MCTP1: variants seen among roughly 807,000 people sequenced by gnomAD.
MCTP1 encodes multiple C2 and transmembrane domain-containing protein 1.
In MCTP1, 69 loss-of-function variants were observed where a neutral mutation model predicts 120.6. That is an observed-to-expected ratio of 0.57 (90% confidence interval 0.47 to 0.70). The LOEUF is 0.70. Ranked by LOEUF, MCTP1 falls within the 30% of genes least tolerant of loss-of-function variation. The pLI is 0.00. For synonymous variants in MCTP1, 529 were observed against 493.1 expected (o/e 1.07, Z -0.96); for missense variants, 1,203 against 1,248.8 (o/e 0.96, Z 0.55).
At chr5:95,047,194 T>C (rs1187774064) in intron 1 of MCTP1, among the ~76,000 whole-genome samples, 1 of 152,180 alleles carries the variant, frequency 6.6e-6, no homozygotes, top group Non-Finnish European at 1.5e-5. Context: ...GACCGTTTGC[T>C]TTCCCATGTA....
At chr5:95,047,634 C>T (rs1259511614) in intron 1 of MCTP1, among the ~76,000 whole-genome samples, 1 of 152,120 alleles carries the variant, frequency 6.6e-6, no homozygotes, top group African/African-American at 2.4e-5. Context: ...TATGAACATT[C>T]ACAGGTAAAT....
intron 21 of MCTP1, chr5:94,710,533 C>A: frequency 1.4e-5 from 4 of 296,082 alleles, no homozygotes; most frequent in Non-Finnish European, 2.5e-5. Context: ...GAAAATAAAT[C>A]AGAGGGATAT....
chr5:95,083,035 T>C (rs944418300), intron 1 of MCTP1, among the ~76,000 whole-genome samples: 2 of 152,200 alleles, frequency 1.3e-5, no homozygotes, highest in Non-Finnish European at 2.9e-5. Context: ...ATTTATAGTC[T>C]GTGGTCTCTA....
intron 1 of MCTP1, among the ~76,000 whole-genome samples, chr5:95,177,404 A>G (rs188212666): frequency 1.2e-4 from 19 of 152,352 alleles, no homozygotes; most frequent in Admixed American, 5.9e-4. Flanking sequence ...AAATAATTCT[A>G]TGATCCATTG....
intron 19 of MCTP1, among the ~76,000 whole-genome samples, chr5:94,743,739 G>T (rs1322798919): frequency 6.9e-6 from 1 of 145,126 alleles, no homozygotes; most frequent in Admixed American, 7.3e-5. Context: ...CCGGGTTCAC[G>T]CCATTCTCCT....
chr5:95,110,439 A>C (rs1268387189), intron 1 of MCTP1, among the ~76,000 whole-genome samples: 1 of 152,122 alleles, frequency 6.6e-6, no homozygotes, highest in Non-Finnish European at 1.5e-5. Context: ...TGAAGACTCC[A>C]AGATATCTAG....
chr5:95,044,079 G>A (rs1842779913), intron 1 of MCTP1, among the ~76,000 whole-genome samples: 1 of 152,180 alleles, frequency 6.6e-6, no homozygotes, highest in African/African-American at 2.4e-5. Flanking sequence ...CTCTGCACAT[G>A]GGTGAGATGG....
At chr5:94,873,107 T>C (rs1328323534) in intron 13 of MCTP1, 32 bp downstream of exon 13, 15 of 1,204,752 alleles carry the variant, frequency 1.2e-5, no homozygotes, top group Non-Finnish European at 1.7e-5. Flanking sequence ...AACACAATTT[T>C]GGATTCAGAG....
intron 1 of MCTP1, among the ~76,000 whole-genome samples, chr5:95,219,250 T>C (rs1753394618): frequency 6.6e-6 from 1 of 151,676 alleles, no homozygotes; most frequent in Non-Finnish European, 1.5e-5. Context: ...GGCATGGTGG[T>C]GGGCACCTGT....
rs199701263 is a variant in MCTP1, at chr5:94,940,073, G to T, written c.1173+11C>A. The T allele has an allele frequency of 6.0e-6, 9 of 1,503,204 alleles. No individual in the cohort carries two copies. The highest frequency in any genetic ancestry group is 5.5e-5 in the African/African-American group (4 of 72,388). The allele number at this position is 1,503,204 out of a possible 1,614,324, so 93.1% of individuals were successfully genotyped here. ...AAGAAAGAGCTCCTACTAGGCTGTG[G>T]GGGAACTTACCACATCCCTGGACTC... On this transcript the variant is annotated intron_variant, in intron 5 of 22. Coordinates refer to ENST00000515393, the MANE Select transcript of MCTP1 (RefSeq NM_024717.7).
chr5:95,054,288 T>C (rs1328500772), intron 1 of MCTP1, among the ~76,000 whole-genome samples: 1 of 152,340 alleles, frequency 6.6e-6, no homozygotes, highest in East Asian at 1.9e-4. Flanking sequence ...CAATACATCG[T>C]ATCTATAAAA....
intron 19 of MCTP1, among the ~76,000 whole-genome samples, 163 bp from the exon 20 acceptor site, chr5:94,715,049 A>C (rs186957560): frequency 6.6e-6 from 1 of 152,234 alleles, no homozygotes; most frequent in Non-Finnish European, 1.5e-5. Flanking sequence ...GATTTAAAGG[A>C]AGATGAGGAG....
intron 10 of MCTP1, among the ~76,000 whole-genome samples, chr5:94,906,437 G>C (rs1581276318): frequency 1.3e-5 from 2 of 152,150 alleles, no homozygotes; most frequent in South Asian, 4.2e-4. Flanking sequence ...AGTGAGCCGA[G>C]GTCGCACCAC....
intron 2 of MCTP1, among the ~76,000 whole-genome samples, chr5:94,980,287 C>T (rs1050053146): frequency 9.9e-5 from 15 of 152,042 alleles, no homozygotes; most frequent in East Asian, 1.9e-4. Context: ...AATGCCTTCC[C>T]GTCACAACTA....
chr5:94,996,684 A>G (rs1832687898), intron 2 of MCTP1, among the ~76,000 whole-genome samples: 1 of 152,180 alleles, frequency 6.6e-6, no homozygotes, highest in African/African-American at 2.4e-5. Flanking sequence ...GCAACCAACC[A>G]TATTTTATTC....
intron 18 of MCTP1, among the ~76,000 whole-genome samples, chr5:94,781,204 T>C (rs1776509169): frequency 6.6e-6 from 1 of 152,014 alleles, no homozygotes. Context: ...AGATGAATAC[T>C]ATACTTTTAC....
At chr5:94,926,657 T>G (rs1813204593) in intron 6 of MCTP1, among the ~76,000 whole-genome samples, 1 of 152,226 alleles carries the variant, frequency 6.6e-6, no homozygotes, top group African/African-American at 2.4e-5. Context: ...ACTGTCTGTC[T>G]ATCCATCCAT....
At chr5:94,950,347 A>T (rs771870975) in intron 3 of MCTP1, among the ~76,000 whole-genome samples, 1 of 90,950 alleles carries the variant, frequency 1.1e-5, no homozygotes, top group Non-Finnish European at 2.8e-5. Context: ...AATTGTGGCT[A>T]GGCTACATAA....
intron 1 of MCTP1, among the ~76,000 whole-genome samples, chr5:95,049,619 C>T (rs1322199910): frequency 6.6e-6 from 1 of 152,122 alleles, no homozygotes; most frequent in Non-Finnish European, 1.5e-5. Flanking sequence ...AAATAGTTTA[C>T]CCTGGTAAAA....
Sources: gnomAD v4.1 joint callset for allele counts (sites outside exome capture counted in the v4.1 genomes callset) on GRCh38, gnomAD v4.1.1 for gene constraint, MANE v1.5 for transcripts, NCBI Gene and HGNC (gene_info 2026-07-23, HGNC 2026-07-21) for gene names.